Variants in ADAMTS3 observed in about 807,000 individuals in gnomAD.
ADAMTS3 encodes the protein ADAM metallopeptidase with thrombospondin type 1 motif 3.
Under a neutral mutation model 129.0 loss-of-function variants are expected in ADAMTS3, and 73 were observed. That is an observed-to-expected ratio of 0.57 (90% confidence interval 0.47 to 0.69). ADAMTS3 has a LOEUF of 0.69. ADAMTS3 is among the 30% of genes least tolerant of loss of function. The pLI is 0.00. For synonymous variants in ADAMTS3, 477 were observed against 510.8 expected (o/e 0.93, Z 0.89); for missense variants, 1,457 against 1,514.5 (o/e 0.96, Z 0.63).
chr4:72,553,358 A>C (rs752096244), intron 2 of ADAMTS3, among the ~76,000 whole-genome samples: 3 of 152,166 alleles, frequency 2.0e-5, no homozygotes, highest in Admixed American at 6.5e-5. Context: ...CTGCATTCTT[A>C]AGAGCAGGAA....
At chr4:72,559,617 CTT>C (rs1028327030) in intron 2 of ADAMTS3, among the ~76,000 whole-genome samples, 2 of 151,664 alleles carry the variant, frequency 1.3e-5, no homozygotes, top group African/African-American at 4.9e-5. Flanking sequence ...AAGTACCTCT[CTT>C]TGAGTAAAAG....
chr4:72,498,680 T>C (rs926706470), intron 3 of ADAMTS3, among the ~76,000 whole-genome samples: 1 of 151,462 alleles, frequency 6.6e-6, no homozygotes, highest in African/African-American at 2.4e-5. Flanking sequence ...CACACACACG[T>C]TTATTAATAT....
chr4:72,357,824 C>T (rs187195056), intron 4 of ADAMTS3, among the ~76,000 whole-genome samples: 1 of 151,750 alleles, frequency 6.6e-6, no homozygotes, highest in Admixed American at 6.6e-5. Context: ...AAAAAGTTAC[C>T]AAAAATCCAC....
chr4:72,364,878 C>T (rs530033453), intron 4 of ADAMTS3, among the ~76,000 whole-genome samples: 6 of 152,158 alleles, frequency 3.9e-5, no homozygotes, highest in South Asian at 2.1e-4. Context: ...TGTGAGCCAC[C>T]GCACTAGGCC....
chr4:72,532,083 C>A (rs1446079177), intron 3 of ADAMTS3, among the ~76,000 whole-genome samples: 1 of 151,690 alleles, frequency 6.6e-6, no homozygotes, highest in African/African-American at 2.4e-5. Flanking sequence ...AATTTCCTAC[C>A]AGAAAAAGGA....
intron 19 of ADAMTS3, among the ~76,000 whole-genome samples, chr4:72,293,459 C>G (rs909782080): frequency 3.3e-5 from 5 of 152,112 alleles, no homozygotes; most frequent in Admixed American, 3.3e-4. Flanking sequence ...ACGTAAAAAT[C>G]CATCTGTGAA....
chr4:72,297,306 G>A (rs1395304405), intron 18 of ADAMTS3, among the ~76,000 whole-genome samples: 3 of 152,064 alleles, frequency 2.0e-5, no homozygotes, highest in Non-Finnish European at 2.9e-5. Flanking sequence ...TAAATGTTGA[G>A]AGTACAGCAG....
chr4:72,369,417 T>TA (rs1195955409), intron 4 of ADAMTS3, among the ~76,000 whole-genome samples: 1 of 151,750 alleles, frequency 6.6e-6, no homozygotes, highest in Non-Finnish European at 1.5e-5. Flanking sequence ...TAACAAGTAC[T>TA]AAAAAAAATG....
intron 3 of ADAMTS3, among the ~76,000 whole-genome samples, chr4:72,476,387 C>A (rs199635827): frequency 6.6e-6 from 1 of 151,812 alleles, no homozygotes; most frequent in Non-Finnish European, 1.5e-5. Flanking sequence ...ACTACTTCCC[C>A]AAAAAACATA....
In ADAMTS3 at chr4:72,548,791, C is replaced by G. The variant is rs758259224; in HGVS notation, c.191G>C (p.Ser64Thr). 2.5e-6 allele frequency: 4 copies of G among 1,613,860 alleles called. No homozygotes were observed. Among genetic ancestry groups the G allele is most frequent in the Non-Finnish European group, 3.4e-6 (4 of 1,179,862 alleles). ...GRYLSHTLSA[S>T]HKKRSARDVS... ...GTCCCTCGCTGACCTCTTTTTGTGA[C>G]TCGCAGAAAGAGTATGGGAGAGATA... Residue 64 changes from serine (S) to threonine (T), a missense_variant, in exon 3 of 22, where the codon AGT (serine) becomes ACT (threonine). Ser to Thr is a moderately conservative substitution (Grantham distance 58). Coordinates refer to ENST00000286657, the MANE Select transcript of ADAMTS3 (RefSeq NM_014243.3).
chr4:72,479,632 G>A (rs968042224), intron 3 of ADAMTS3, among the ~76,000 whole-genome samples: 32 of 152,104 alleles, frequency 2.1e-4, no homozygotes, highest in African/African-American at 7.7e-4. Flanking sequence ...ACATAGGCAT[G>A]GGCAAGGACT....
intron 3 of ADAMTS3, among the ~76,000 whole-genome samples, chr4:72,452,266 T>C (rs1718426766): frequency 5.3e-5 from 8 of 151,464 alleles, no homozygotes; most frequent in Admixed American, 2.6e-4. Flanking sequence ...AGACATGTTA[T>C]AATACGTATA....
chr4:72,368,889 C>T (rs1720935422), intron 4 of ADAMTS3, among the ~76,000 whole-genome samples: 1 of 152,106 alleles, frequency 6.6e-6, no homozygotes, highest in Non-Finnish European at 1.5e-5. Flanking sequence ...TATTATTTCC[C>T]CCCTTTTGCA....
chr4:72,411,958 T>C (rs1184784854), intron 4 of ADAMTS3, among the ~76,000 whole-genome samples: 2 of 152,082 alleles, frequency 1.3e-5, no homozygotes, highest in Non-Finnish European at 2.9e-5. Context: ...TAGATTTTAA[T>C]GTATAACACT....
intron 3 of ADAMTS3, among the ~76,000 whole-genome samples, chr4:72,416,781 T>G (rs1442041681): frequency 6.6e-6 from 1 of 152,198 alleles, no homozygotes; most frequent in Non-Finnish European, 1.5e-5. Context: ...TATATTATGG[T>G]CATATTATTT....
intron 3 of ADAMTS3, among the ~76,000 whole-genome samples, chr4:72,445,373 C>T (rs1578685570): frequency 6.6e-6 from 1 of 151,614 alleles, no homozygotes. Context: ...AGTCTAAAGC[C>T]AGGAACTGAA....
At chr4:72,284,317 C>T (rs962253500) in intron 21 of ADAMTS3, among the ~76,000 whole-genome samples, 28 of 151,864 alleles carry the variant, frequency 1.8e-4, no homozygotes, top group African/African-American at 3.6e-4. Flanking sequence ...CGGTGGCAGG[C>T]GCCTGTAGTC....
intron 3 of ADAMTS3, among the ~76,000 whole-genome samples, chr4:72,514,849 T>C (rs1439465018): frequency 2.6e-5 from 4 of 152,188 alleles, no homozygotes; most frequent in Non-Finnish European, 4.4e-5. Flanking sequence ...TTAATTATTA[T>C]TATACTTTAA....
intron 3 of ADAMTS3, among the ~76,000 whole-genome samples, chr4:72,499,633 A>T (rs1560539334): frequency 6.6e-6 from 1 of 152,048 alleles, no homozygotes; most frequent in Admixed American, 6.6e-5. Context: ...GATAATTTCA[A>T]CTTTTATTTT....
Sources: gnomAD v4.1 joint callset for allele counts (sites outside exome capture counted in the v4.1 genomes callset) on GRCh38, gnomAD v4.1.1 for gene constraint, MANE v1.5 for transcripts, NCBI Gene and HGNC (gene_info 2026-07-23, HGNC 2026-07-21) for gene names.